Variants in LZTFL1 observed in about 807,000 individuals in gnomAD.
LZTFL1 encodes leucine zipper transcription factor-like protein 1.
A neutral mutation model predicts 45.9 loss-of-function variants in LZTFL1; 25 were observed. The observed-to-expected ratio is 0.54, with a 90% CI of 0.40 to 0.76. The LOEUF is 0.76. Ranked by LOEUF, LZTFL1 falls within the 30% of genes least tolerant of loss-of-function variation. LZTFL1 has a pLI of 0.00. For synonymous variants in LZTFL1, 93 were observed against 117.4 expected (o/e 0.79, Z 1.35); for missense variants, 277 against 331.1 (o/e 0.84, Z 1.27).
In LZTFL1 at chr3:45,901,899, G is replaced by C; in HGVS notation, c.-215+11221C>G. 3 of 1,584,338 alleles carry C rather than the reference G, an allele frequency of 1.9e-6. No individual in the cohort carries two copies. Among genetic ancestry groups the C allele is most frequent in the Non-Finnish European group, 2.6e-6 (3 of 1,162,822 alleles). ...AACCTCAGGAGCACTCTCCCTCTGA[G>C]GGGTCTTCTCTGAGGTGCATGGTTC... On this transcript the variant is annotated intron_variant, in intron 2 of 4. Transcript: ENST00000472635. The surrounding 1 kb of genome is among the most constrained non-coding windows in gnomAD (Gnocchi z 4.3).
chr3:45,836,822 A>G (rs534773056), intron 2 of LZTFL1, among the ~76,000 whole-genome samples: 4 of 152,212 alleles, frequency 2.6e-5, no homozygotes, highest in East Asian at 1.9e-4. Context: ...AAACCCCACA[A>G]TCATCTTCAG....
chr3:45,909,900 G>A (rs941014575), intron 2 of LZTFL1, among the ~76,000 whole-genome samples: 5 of 152,234 alleles, frequency 3.3e-5, no homozygotes, highest in African/African-American at 1.2e-4. Flanking sequence ...TGTTGCCTGA[G>A]ACAAGGTGGG....
intron 2 of LZTFL1, chr3:45,903,265 C>G (rs1190620436): frequency 6.1e-6 from 1 of 162,726 alleles, no homozygotes; most frequent in African/African-American, 2.4e-5. Flanking sequence ...TTCTACTTTC[C>G]CTGCTTCTCT....
intron 9 of LZTFL1, 88 bp from the exon 10 acceptor site, chr3:45,826,420 T>C: frequency 3.8e-6 from 4 of 1,040,634 alleles, no homozygotes; most frequent in Non-Finnish European, 6.0e-6. Flanking sequence ...TGGCACTATA[T>C]TTCTCACTTC....
chr3:45,879,879 A>G (rs1701820493), intron 2 of LZTFL1, among the ~76,000 whole-genome samples: 1 of 152,254 alleles, frequency 6.6e-6, no homozygotes, highest in East Asian at 1.9e-4. Flanking sequence ...AAAAATATGT[A>G]TTTAAAAAAA....
At chr3:45,832,996 G>T (rs965659028) in intron 5 of LZTFL1, 54 bp downstream of exon 5, 16 of 1,316,060 alleles carry the variant, frequency 1.2e-5, no homozygotes, top group Non-Finnish European at 3.3e-6. Flanking sequence ...CTCCACCCTA[G>T]GCAATGACAG....
At chr3:45,837,292 C>T (rs927396922) in intron 2 of LZTFL1, among the ~76,000 whole-genome samples, 3 of 152,164 alleles carry the variant, frequency 2.0e-5, no homozygotes, top group Non-Finnish European at 4.4e-5. Flanking sequence ...AACCAGATTA[C>T]CAGATGAGTT....
chr3:45,901,643 C>A lies in LZTFL1; in HGVS notation c.-215+11477G>T. On this transcript the variant is annotated intron_variant, in intron 2 of 4. Coordinates refer to the LZTFL1 transcript ENST00000472635. This position sits in a 1 kb window ranked among gnomAD's most constrained non-coding sequence, Gnocchi z 4.3. Reference sequence around the variant, plus strand: ...AGACCATTGACGCCTATGCCATGTTCATCTCCAACTGTGCCGTTTCCACCA... The same window carrying A: ...AGACCATTGACGCCTATGCCATGTTAATCTCCAACTGTGCCGTTTCCACCA... 1 of 1,614,140 alleles carries A rather than the reference C, an allele frequency of 6.2e-7. No homozygotes were observed. Among genetic ancestry groups the A allele is most frequent in the Non-Finnish European group, 8.5e-7 (1 of 1,179,964 alleles).
At chr3:45,829,528 G>A (rs3774644) in intron 7 of LZTFL1, among the ~76,000 whole-genome samples, 10,318 of 150,472 alleles carry the variant, frequency 0.069, 419 homozygotes, top group Non-Finnish European at 0.083. Flanking sequence ...CGCTTGAGCC[G>A]GTGAGGTCAA....
intron 2 of LZTFL1, among the ~76,000 whole-genome samples, chr3:45,871,534 G>T (rs1001511971): frequency 6.6e-6 from 1 of 152,076 alleles, no homozygotes; most frequent in Non-Finnish European, 1.5e-5. Flanking sequence ...TTTTTGTTTT[G>T]CAGGAGCAGA....
intron 2 of LZTFL1, among the ~76,000 whole-genome samples, chr3:45,903,781 C>T (rs1198472287): frequency 2.0e-5 from 3 of 152,178 alleles, no homozygotes; most frequent in Non-Finnish European, 2.9e-5. Context: ...AGCAGATCAA[C>T]GTGGGCCCAG....
At position 45,901,724 on chromosome 3, in the gene LZTFL1, G is replaced by A; in HGVS notation, c.-215+11396C>T. On this transcript the variant is annotated intron_variant, in intron 2 of 4. Transcript: ENST00000472635. The surrounding 1 kb of genome is among the most constrained non-coding windows in gnomAD (Gnocchi z 4.3). ...CCATCGCCTTCTTCCACAGTTGCCT[G>A]AACCCTGTTCTCTATGTTTTTGTGG... is the stretch of plus-strand genomic sequence containing the variant. 6.2e-7 allele frequency: 1 copy of A among 1,614,162 alleles called. No homozygotes were observed. The highest frequency in any genetic ancestry group is 8.5e-7 in the Non-Finnish European group (1 of 1,180,032).
chr3:45,879,097 G>A (rs1456202865), intron 2 of LZTFL1, among the ~76,000 whole-genome samples: 1 of 152,160 alleles, frequency 6.6e-6, no homozygotes, highest in Non-Finnish European at 1.5e-5. Context: ...AAGACAGTTT[G>A]GCAGCTTCTT....
Position 45,825,336 on chromosome 3 carries a change from T to C in LZTFL1, c.*978A>G, listed in dbSNP as rs1700637343. 1 of 153,474 alleles carries C rather than the reference T, an allele frequency of 6.5e-6. No homozygotes were observed. The highest frequency in any genetic ancestry group is 2.1e-4 in the South Asian group (1 of 4,846). The allele number at this position is 153,474 out of a possible 1,614,324, so 9.5% of individuals were successfully genotyped here. A position where few individuals can be genotyped will look rare whatever the true frequency, so the allele number is the denominator to read the frequency against. ...ATAGTATATCACTGCCTTACATAAC[T>C]GTGGATATGATGCCCAGTTTCTAAT... On this transcript the variant is annotated 3_prime_UTR_variant, in exon 10 of 10. Transcript: ENST00000296135.
upstream of LZTFL1, among the ~76,000 whole-genome samples, chr3:45,844,446 G>T (rs57159440): frequency 0.057 from 8,587 of 151,698 alleles, 817 homozygotes; most frequent in African/African-American, 0.2. Flanking sequence ...TGAAGAAAAT[G>T]ATTAAGTAAA....
chr3:45,861,454 G>C (rs1357015522), intron 2 of LZTFL1, among the ~76,000 whole-genome samples: 4 of 152,072 alleles, frequency 2.6e-5, no homozygotes, highest in African/African-American at 9.7e-5. Context: ...TTTCTAACTG[G>C]CTGCTAGCCT....
At position 45,901,830 on chromosome 3, in the gene LZTFL1, A is replaced by C; in HGVS notation, c.-215+11290T>G. The C allele has an allele frequency of 5.0e-6, 8 of 1,613,604 alleles. No homozygotes were observed. Among genetic ancestry groups the C allele is most frequent in the Non-Finnish European group, 6.8e-6 (8 of 1,179,516 alleles). On this transcript the variant is annotated intron_variant, in intron 2 of 4. Coordinates refer to the LZTFL1 transcript ENST00000472635. This position sits in a 1 kb window ranked among gnomAD's most constrained non-coding sequence, Gnocchi z 4.3. ...CCAGGCCCAGTGGGTTTCATTTACAAGGAGAGAGGGAAGCTTGAAGCTGTC... is the reference window on the plus strand; with the variant it reads ...CCAGGCCCAGTGGGTTTCATTTACACGGAGAGAGGGAAGCTTGAAGCTGTC...
chr3:45,865,847 A>G (rs980264727), intron 2 of LZTFL1, among the ~76,000 whole-genome samples: 1 of 152,270 alleles, frequency 6.6e-6, no homozygotes, highest in Non-Finnish European at 1.5e-5. Flanking sequence ...TTGAGCGTTT[A>G]TAACAGCGTT....
intron 4 of LZTFL1, among the ~76,000 whole-genome samples, chr3:45,849,766 T>G (rs1251110566): frequency 6.6e-6 from 1 of 152,230 alleles, no homozygotes; most frequent in African/African-American, 2.4e-5. Context: ...ACTGATACTT[T>G]TCGTGTATAG....
Sources: allele counts gnomAD v4.1 joint callset (sites outside exome capture counted in the v4.1 genomes callset), GRCh38; gene constraint gnomAD v4.1.1; non-coding constraint Gnocchi (gnomAD v3.1); transcripts MANE v1.5; gene names NCBI Gene and HGNC (gene_info 2026-07-23, HGNC 2026-07-21).